The following RALGAPA2 variants were observed in gnomAD, a reference collection of about 807,000 sequenced individuals.
RALGAPA2 encodes ral GTPase-activating protein subunit alpha-2.
RALGAPA2 carries 139 observed loss-of-function variants against 230.4 expected under a neutral mutation model. The observed-to-expected ratio is 0.60, with a 90% CI of 0.53 to 0.69. The LOEUF is 0.69. Among genes scored for constraint, RALGAPA2 ranks in the 30% least tolerant of loss-of-function variants. RALGAPA2 has a pLI of 0.00. For missense variants in RALGAPA2, 2,163 were observed against 2,276.0 expected (o/e 0.95, Z 1.01); for synonymous variants, 847 against 837.8 (o/e 1.01, Z -0.19).
chr20:20,638,662 C>A (rs6046975), intron 7 of RALGAPA2, among the ~76,000 whole-genome samples: 1 of 152,116 alleles, frequency 6.6e-6, no homozygotes, highest in Non-Finnish European at 1.5e-5. Context: ...CCAGGATAAA[C>A]TGAATGTCCA....
At chr20:20,485,389 G>A (rs2061885986) in intron 36 of RALGAPA2, among the ~76,000 whole-genome samples, 1 of 152,146 alleles carries the variant, frequency 6.6e-6, no homozygotes, top group African/African-American at 2.4e-5. Context: ...TGGGTCTCCT[G>A]TAGACAACAT....
chr20:20,425,617 G>A (rs1015114509), intron 37 of RALGAPA2, among the ~76,000 whole-genome samples: 1 of 152,206 alleles, frequency 6.6e-6, no homozygotes, highest in Admixed American at 6.5e-5. Flanking sequence ...ACAAAATGAG[G>A]AAAGAAGCTG....
chr20:20,432,203 G>C (rs1313214433), intron 37 of RALGAPA2, among the ~76,000 whole-genome samples: 1 of 152,142 alleles, frequency 6.6e-6, no homozygotes, highest in Non-Finnish European at 1.5e-5. Context: ...GACCACTATG[G>C]AATAAAACAC....
chr20:20,531,391 T>C lies in RALGAPA2; in HGVS notation c.3582+296A>G, dbSNP rs190148818. 2.6e-4 allele frequency among the ~76,000 whole-genome samples: 39 copies of C among 152,204 alleles called. No individual in the cohort carries two copies. In the East Asian group the frequency reaches 5.2e-3, roughly 20 times the overall value. ...GGCCAGAGCACGACACCCCACTCTC[T>C]TGTCACCCCCACCAACAGGTGACAG... On this transcript the variant is annotated intron_variant, in intron 27 of 39. Transcript: ENST00000202677.
intron 37 of RALGAPA2, among the ~76,000 whole-genome samples, chr20:20,436,055 A>G (rs566559573): frequency 6.6e-6 from 1 of 152,344 alleles, no homozygotes; most frequent in East Asian, 1.9e-4. Context: ...GCAGCATTTC[A>G]TATGGTCTAA....
intron 21 of RALGAPA2, among the ~76,000 whole-genome samples, chr20:20,572,499 AAAG>A (rs1451218845): frequency 6.6e-6 from 1 of 151,876 alleles, no homozygotes; most frequent in Non-Finnish European, 1.5e-5. Context: ...TCATAAAAAG[AAAG>A]AAGACTATAT....
At chr20:20,530,214 T>C (rs2063331480) in intron 27 of RALGAPA2, among the ~76,000 whole-genome samples, 2 of 152,200 alleles carry the variant, frequency 1.3e-5, no homozygotes, top group South Asian at 4.1e-4. Context: ...ATCTGTGAAG[T>C]GGAGGTGGCA....
intron 38 of RALGAPA2, among the ~76,000 whole-genome samples, chr20:20,405,555 G>A (rs1447794878): frequency 6.6e-6 from 1 of 152,222 alleles, no homozygotes; most frequent in Non-Finnish European, 1.5e-5. Flanking sequence ...TTCCAGAGCT[G>A]ACACTGAGGA....
chr20:20,469,938 C>A (rs958758321), intron 37 of RALGAPA2, among the ~76,000 whole-genome samples: 1 of 152,152 alleles, frequency 6.6e-6, no homozygotes, highest in Non-Finnish European at 1.5e-5. Flanking sequence ...CTCCACTTGA[C>A]AAATTTGATT....
At chr20:20,420,161 G>A (rs1440632544) in intron 37 of RALGAPA2, among the ~76,000 whole-genome samples, 1 of 152,194 alleles carries the variant, frequency 6.6e-6, no homozygotes, top group Non-Finnish European at 1.5e-5. Context: ...GGATACTTCA[G>A]GAGGAGAAAG....
intron 2 of RALGAPA2, among the ~76,000 whole-genome samples, chr20:20,679,935 C>T (rs568482905): frequency 1.3e-5 from 2 of 152,308 alleles, no homozygotes; most frequent in Admixed American, 1.3e-4. Flanking sequence ...TGTGGGGATT[C>T]AGATTCAGCC....
At position 20,571,938 on chromosome 20, in the gene RALGAPA2, A is replaced by T; in HGVS notation, c.2910T>A (p.Asp970Glu). ...ELWYKLAKIRDNLAISLDNQS... is the reference protein window; with the variant it reads ...ELWYKLAKIRENLAISLDNQS... ...GGTTATCCAGGCTTATTGCTAGATT[A>T]TCCCGTATCTAATTCACAAAGAGGA... Residue 970 changes from aspartate (D) to glutamate (E), a missense_variant, in exon 22 of 40, where the codon GAT (aspartate) becomes GAA (glutamate). Physicochemically the swap from Asp to Glu is conservative, Grantham distance 45. Transcript: ENST00000202677. 2.5e-6 allele frequency: 4 copies of T among 1,603,598 alleles called. No homozygotes were observed. The highest frequency in any genetic ancestry group is 3.4e-6 in the Non-Finnish European group (4 of 1,173,130).
At chr20:20,552,544 C>G (rs1322097828) in intron 23 of RALGAPA2, among the ~76,000 whole-genome samples, 1 of 152,052 alleles carries the variant, frequency 6.6e-6, no homozygotes, top group Non-Finnish European at 1.5e-5. Context: ...ATCTGTTTAT[C>G]CCAGTAATCT....
intron 3 of RALGAPA2, among the ~76,000 whole-genome samples, chr20:20,669,534 C>T (rs964864812): frequency 2.0e-5 from 3 of 152,182 alleles, no homozygotes; most frequent in African/African-American, 7.2e-5. Context: ...AGGTGCTGGA[C>T]AACCAGGAGC....
At chr20:20,607,673 C>T (rs2065862033) in intron 14 of RALGAPA2, among the ~76,000 whole-genome samples, 1 of 152,130 alleles carries the variant, frequency 6.6e-6, no homozygotes, top group South Asian at 2.1e-4. Flanking sequence ...AGGACTCAGA[C>T]TCACATTTGG....
intron 13 of RALGAPA2, among the ~76,000 whole-genome samples, chr20:20,614,722 A>T (rs2066080428): frequency 6.6e-6 from 1 of 152,178 alleles, no homozygotes; most frequent in Non-Finnish European, 1.5e-5. Context: ...TTGAAGAACA[A>T]GAATTGGACT....
chr20:20,579,155 T>C (rs1034479553), intron 20 of RALGAPA2, among the ~76,000 whole-genome samples: 2 of 152,218 alleles, frequency 1.3e-5, no homozygotes, highest in Non-Finnish European at 2.9e-5. Context: ...GATGCAAGAC[T>C]GTGATAACCA....
chr20:20,568,366 C>T (rs80157447), intron 23 of RALGAPA2, among the ~76,000 whole-genome samples: 8,320 of 152,062 alleles, frequency 0.055, 336 homozygotes, highest in African/African-American at 0.11. Context: ...TTAGGATAAC[C>T]AAAACTGGTT....
intron 37 of RALGAPA2, among the ~76,000 whole-genome samples, chr20:20,455,230 G>C (rs963001069): frequency 2.0e-5 from 3 of 152,236 alleles, no homozygotes; most frequent in South Asian, 2.1e-4. Flanking sequence ...CCACGGATTA[G>C]AGCTATCGAT....
Sources: allele counts gnomAD v4.1 joint callset (sites outside exome capture counted in the v4.1 genomes callset), GRCh38; gene constraint gnomAD v4.1.1; transcripts MANE v1.5; gene names NCBI Gene and HGNC (gene_info 2026-07-23, HGNC 2026-07-21).